GPC5: variants seen among roughly 807,000 people sequenced by gnomAD.
GPC5 encodes the protein glypican-5.
In GPC5, 47 loss-of-function variants were observed where a neutral mutation model predicts 53.9. That is an observed-to-expected ratio of 0.87 (90% CI 0.69 to 1.11). GPC5 has a LOEUF of 1.11. Ranked by LOEUF, GPC5 falls within the 50% of genes most tolerant of loss-of-function variation. The pLI is 0.00. For synonymous variants in GPC5, 286 were observed against 263.3 expected, an observed-to-expected ratio of 1.09 and a Z score of -0.84; for missense variants, 748 against 713.1, an observed-to-expected ratio of 1.05 and a Z score of -0.56.
intron 7 of GPC5, among the ~76,000 whole-genome samples, chr13:92,224,159 C>T (rs1047893477): frequency 6.6e-6 from 1 of 152,040 alleles, no homozygotes; most frequent in African/African-American, 2.4e-5. Flanking sequence ...ACTTTCTGCA[C>T]TATTAAAGAA....
At chr13:92,620,410 A>G (rs577633010) in intron 7 of GPC5, among the ~76,000 whole-genome samples, 1 of 152,314 alleles carries the variant, frequency 6.6e-6, no homozygotes, top group South Asian at 2.1e-4. Flanking sequence ...GGTAACACAC[A>G]TCAGAGTTCT....
intron 7 of GPC5, among the ~76,000 whole-genome samples, chr13:92,661,424 C>T (rs1037387595): frequency 6.6e-6 from 1 of 151,296 alleles, no homozygotes; most frequent in African/African-American, 2.4e-5. Context: ...AGATTGTGTA[C>T]ATACCTATCC....
intron 7 of GPC5, among the ~76,000 whole-genome samples, chr13:92,717,777 C>T (rs757031733): frequency 3.9e-5 from 6 of 152,110 alleles, no homozygotes; most frequent in Non-Finnish European, 8.8e-5. Flanking sequence ...AATTTGGAGA[C>T]ATCATAGTGA....
chr13:91,589,095 A>G (rs2032703124), intron 2 of GPC5, among the ~76,000 whole-genome samples: 1 of 152,118 alleles, frequency 6.6e-6, no homozygotes, highest in African/African-American at 2.4e-5. Flanking sequence ...ATAAAGCTTT[A>G]GTTTCCAACT....
At chr13:91,938,936 A>G (rs2039898760) in intron 6 of GPC5, among the ~76,000 whole-genome samples, 2 of 152,082 alleles carry the variant, frequency 1.3e-5, no homozygotes, top group South Asian at 2.1e-4. Context: ...TGAGTTTTCA[A>G]TTTTTATAAA....
intron 7 of GPC5, among the ~76,000 whole-genome samples, chr13:92,857,741 C>T (rs1306537997): frequency 6.6e-6 from 1 of 151,954 alleles, no homozygotes; most frequent in Non-Finnish European, 1.5e-5. Context: ...ATTAATCATT[C>T]CAGAAATGCA....
At chr13:91,638,844 A>C (rs905032651) in intron 2 of GPC5, among the ~76,000 whole-genome samples, 14 of 152,242 alleles carry the variant, frequency 9.2e-5, no homozygotes, top group African/African-American at 3.1e-4. Flanking sequence ...CTAAAAAATT[A>C]TTTATTAGCT....
chr13:91,964,198 G>A (rs910915951), intron 6 of GPC5, among the ~76,000 whole-genome samples: 3 of 152,204 alleles, frequency 2.0e-5, no homozygotes, highest in Non-Finnish European at 2.9e-5. Context: ...GAGTGTTACA[G>A]CTCACAAAGG....
intron 7 of GPC5, among the ~76,000 whole-genome samples, chr13:92,426,244 A>G (rs2139368610): frequency 6.6e-6 from 1 of 152,208 alleles, no homozygotes. Context: ...GGGACAGAGC[A>G]CTGAAAGTCA....
chr13:92,558,389 A>AT (rs1296113037), intron 7 of GPC5, among the ~76,000 whole-genome samples: 2 of 152,142 alleles, frequency 1.3e-5, no homozygotes, highest in Non-Finnish European at 1.5e-5. Flanking sequence ...TTATTTTGTA[A>AT]TTTTTTTGCA....
intron 1 of GPC5, among the ~76,000 whole-genome samples, chr13:91,414,429 T>C (rs1266045038): frequency 6.6e-6 from 1 of 152,222 alleles, no homozygotes; most frequent in Non-Finnish European, 1.5e-5. Flanking sequence ...TACCCAGTCT[T>C]GGGCAGTTCT....
At chr13:92,126,677 G>A (rs2041699963) in intron 6 of GPC5, among the ~76,000 whole-genome samples, 1 of 152,042 alleles carries the variant, frequency 6.6e-6, no homozygotes, top group Admixed American at 6.5e-5. Flanking sequence ...ATCTGGCCCT[G>A]GACAGGAAAT....
At chr13:92,063,996 TGAGA>T (rs370655123) in intron 6 of GPC5, among the ~76,000 whole-genome samples, 1 of 151,072 alleles carries the variant, frequency 6.6e-6, no homozygotes, top group Admixed American at 6.6e-5. Context: ...CAAATTTGGC[TGAGA>T]GAGAGAGAGA....
chr13:92,632,027 T>A (rs1308624245), intron 7 of GPC5, among the ~76,000 whole-genome samples: 1 of 152,168 alleles, frequency 6.6e-6, no homozygotes, highest in African/African-American at 2.4e-5. Flanking sequence ...CTGTCCCTGT[T>A]TGGAAACAGT....
chr13:92,299,985 CA>C (rs1219007891), intron 7 of GPC5, among the ~76,000 whole-genome samples: 1 of 152,080 alleles, frequency 6.6e-6, no homozygotes, highest in Admixed American at 6.6e-5. Flanking sequence ...TTGCTCACCC[CA>C]AAACCATTGT....
At chr13:91,456,543 A>G (rs1434048906) in intron 2 of GPC5, among the ~76,000 whole-genome samples, 1 of 151,992 alleles carries the variant, frequency 6.6e-6, no homozygotes, top group African/African-American at 2.4e-5. Context: ...TCTTATACTA[A>G]ATATTTTAGG....
chr13:91,931,227 A>T (rs2039818783), intron 6 of GPC5, among the ~76,000 whole-genome samples: 1 of 151,904 alleles, frequency 6.6e-6, no homozygotes, highest in Non-Finnish European at 1.5e-5. Context: ...GCTCTCATAA[A>T]CCTCTCTGAC....
chr13:92,550,967 C>A (rs890527080), intron 7 of GPC5, among the ~76,000 whole-genome samples: 1 of 151,834 alleles, frequency 6.6e-6, no homozygotes, highest in Non-Finnish European at 1.5e-5. Flanking sequence ...TTGAGTTGGA[C>A]TTCCATTACA....
intron 7 of GPC5, among the ~76,000 whole-genome samples, chr13:92,156,528 C>A (rs987367596): frequency 6.6e-6 from 1 of 152,132 alleles, no homozygotes; most frequent in African/African-American, 2.4e-5. Flanking sequence ...TCTCTCATTT[C>A]TGCTTTGAGG....
Sources: allele counts gnomAD v4.1 joint callset (sites outside exome capture counted in the v4.1 genomes callset), GRCh38; gene constraint gnomAD v4.1.1; transcripts MANE v1.5; gene names NCBI Gene and HGNC (gene_info 2026-07-23, HGNC 2026-07-21).